Variants in SORBS2 observed in about 807,000 individuals in gnomAD.
SORBS2 encodes the protein sorbin and SH3 domain-containing protein 2.
A neutral mutation model predicts 97.7 loss-of-function variants in SORBS2; 46 were observed. The observed-to-expected ratio is 0.47, with a 90% CI of 0.37 to 0.60. The LOEUF is 0.60. Among genes scored for constraint, SORBS2 ranks in the 20% least tolerant of loss-of-function variants. The pLI is 0.00. For missense variants in SORBS2, 1,316 were observed against 1,282.3 expected (o/e 1.03, Z -0.40); for synonymous variants, 476 against 473.4 (o/e 1.01, Z -0.07).
chr4:185,627,321 C>T (rs562608329), intron 5 of SORBS2, among the ~76,000 whole-genome samples: 3 of 152,168 alleles, frequency 2.0e-5, no homozygotes, highest in Non-Finnish European at 2.9e-5. Flanking sequence ...GGGATACTCC[C>T]GCCTCAACCT....
At chr4:185,782,671 T>C (rs1246887554) in intron 1 of SORBS2, among the ~76,000 whole-genome samples, 1 of 152,224 alleles carries the variant, frequency 6.6e-6, no homozygotes, top group Non-Finnish European at 1.5e-5. Flanking sequence ...CTTGTGGCCA[T>C]ATTATGCATA....
chr4:185,798,915 C>G (rs2099118153), intron 1 of SORBS2, among the ~76,000 whole-genome samples: 1 of 152,088 alleles, frequency 6.6e-6, no homozygotes, highest in African/African-American at 2.4e-5. Flanking sequence ...CATCTGCCCA[C>G]TGGCCTGATC....
At chr4:185,938,389 T>TACACACATACACAC (rs35369073) in intron 1 of SORBS2, among the ~76,000 whole-genome samples, 34 of 136,524 alleles carry the variant, frequency 2.5e-4, no homozygotes, top group African/African-American at 9.1e-4. Context: ...TGTAGACACA[T>TACACACATACACAC]ACACACACAC....
rs531345048 is a variant in SORBS2, at chr4:185,684,502, C to A, written c.-197-5680G>T. ...AAAGTTTTTAGGTTAAAAAAAAAAA[C>A]CCCAAAACCTCTGAGTTATCTTAAT... On this transcript the variant is annotated intron_variant, in intron 2 of 20. Coordinates refer to the SORBS2 transcript ENST00000284776. This position sits in a 1 kb window ranked among gnomAD's most constrained non-coding sequence, Gnocchi z 4.2. Among the ~76,000 whole-genome samples, 18 of 151,194 alleles carry A rather than the reference C, an allele frequency of 1.2e-4. No homozygotes were observed. The highest frequency in any genetic ancestry group is 1.0e-3 in the South Asian group (5 of 4,792).
chr4:185,908,875 A>C (rs1417317365), intron 1 of SORBS2, among the ~76,000 whole-genome samples: 2 of 152,048 alleles, frequency 1.3e-5, no homozygotes, highest in Middle Eastern at 3.4e-3. Context: ...AAATATATGA[A>C]TATATGCATT....
rs553246289 is a variant in SORBS2 at position 185,653,478 on chromosome 4, T to G, written c.25-750A>C. Among the ~76,000 whole-genome samples the G allele has an allele frequency of 1.3e-3, 205 of 152,276 alleles. 1 individual carries two copies. The highest frequency in any genetic ancestry group is 2.3e-3 in the Non-Finnish European group (157 of 68,016). On this transcript the variant is annotated intron_variant, in intron 1 of 14. Transcript: ENST00000418609. ...AAGATTCAAATCTTGGTTCCTTAAA[T>G]TGCTGCTTAATACACCCTAGCAATA...
intron 1 of SORBS2, among the ~76,000 whole-genome samples, chr4:185,942,822 T>C (rs2150004485): frequency 6.6e-6 from 1 of 152,280 alleles, no homozygotes; most frequent in Middle Eastern, 3.4e-3. Context: ...TTATATTAGA[T>C]CTTCCATTAC....
Position 185,798,498 on chromosome 4 carries a change from C to T in SORBS2, c.-337-23132G>A, listed in dbSNP as rs557126374. On this transcript the variant is annotated intron_variant, in intron 1 of 20. Coordinates refer to the SORBS2 transcript ENST00000284776. Reference sequence around the variant, plus strand: ...TCACGTGTGACAAGCAGAAAAAACTCGTGGAGGCAGTTTCAACATTTAACC... The same window carrying T: ...TCACGTGTGACAAGCAGAAAAAACTTGTGGAGGCAGTTTCAACATTTAACC... 5.3e-5 allele frequency among the ~76,000 whole-genome samples: 8 copies of T among 152,146 alleles called. No individual in the cohort carries two copies. The East Asian group carries it at 1.2e-3, about 22-fold the overall frequency.
At chr4:185,588,622 C>CCCTCCTCCT (rs1561253138) in intron 14 of SORBS2, among the ~76,000 whole-genome samples, 2 of 64,910 alleles carry the variant, frequency 3.1e-5, no homozygotes, top group Non-Finnish European at 4.3e-5. Flanking sequence ...TCCTCCTCCT[C>CCCTCCTCCT]CTTGTTTTTG....
intron 1 of SORBS2, among the ~76,000 whole-genome samples, chr4:185,889,360 T>C (rs1001228811): frequency 1.4e-5 from 2 of 141,684 alleles, no homozygotes; most frequent in Non-Finnish European, 3.0e-5. Context: ...CCACAGTCAT[T>C]TTTTTTTTTA....
In SORBS2 at chr4:185,627,030, G is replaced by A; in HGVS notation, c.447-11C>T. 1.2e-6 allele frequency: 2 copies of A among 1,613,574 alleles called. No individual in the cohort carries two copies. Among genetic ancestry groups the A allele is most frequent in the East Asian group, 2.2e-5 (1 of 44,860 alleles). Reference sequence around the variant, plus strand: ...GCCATGCTTGCAGAACTGAAAGAAGGAATCAGATCTGTTTGATTGGCACTG... The same window carrying A: ...GCCATGCTTGCAGAACTGAAAGAAGAAATCAGATCTGTTTGATTGGCACTG... On this transcript the variant is annotated splice_polypyrimidine_tract_variant and intron_variant, in intron 5 of 14. Transcript: ENST00000418609.
At chr4:185,765,720 A>G (rs1440485091) in intron 2 of SORBS2, among the ~76,000 whole-genome samples, 1 of 152,152 alleles carries the variant, frequency 6.6e-6, no homozygotes, top group Admixed American at 6.5e-5. Context: ...AAAATAAAAT[A>G]TATTTTGAAT....
intron 1 of SORBS2, among the ~76,000 whole-genome samples, chr4:185,838,400 A>G (rs1047678527): frequency 2.0e-5 from 3 of 151,668 alleles, no homozygotes; most frequent in Non-Finnish European, 4.4e-5. Flanking sequence ...GAAATTCTCC[A>G]CCCTCCTCAA....
chr4:185,899,584 C>G (rs1328973977), intron 1 of SORBS2, among the ~76,000 whole-genome samples: 1 of 152,142 alleles, frequency 6.6e-6, no homozygotes, highest in Non-Finnish European at 1.5e-5. Flanking sequence ...ATACTCAGCA[C>G]TGAGTTTAAA....
intron 2 of SORBS2, among the ~76,000 whole-genome samples, chr4:185,689,658 G>A (rs546740059): frequency 5.8e-4 from 88 of 152,290 alleles, no homozygotes; most frequent in South Asian, 2.9e-3. Context: ...CTCTGCACTC[G>A]ACCTGGGGAT....
At chr4:185,690,532 A>T in intron 2 of SORBS2, 30 bp downstream of exon 4, 1 of 1,472,342 alleles carries the variant, frequency 6.8e-7, no homozygotes, top group Non-Finnish European at 9.2e-7. Context: ...GAGCAAGGCT[A>T]AAAGAGTTTA....
intron 3 of SORBS2, 94 bp downstream of exon 12, chr4:185,649,373 C>A: frequency 9.7e-7 from 1 of 1,026,258 alleles, no homozygotes; most frequent in Non-Finnish European, 1.4e-6. Flanking sequence ...TCCGCTCTCT[C>A]TGTGGCAGGT....
intron 2 of SORBS2, among the ~76,000 whole-genome samples, chr4:185,736,639 C>A (rs745474258): frequency 2.8e-4 from 43 of 152,220 alleles, no homozygotes; most frequent in Non-Finnish European, 5.3e-4. Context: ...TGACATCCAG[C>A]CCCCTTCAGT....
chr4:185,870,649 C>T (rs1463640742), intron 1 of SORBS2, among the ~76,000 whole-genome samples: 1 of 152,218 alleles, frequency 6.6e-6, no homozygotes, highest in African/African-American at 2.4e-5. Flanking sequence ...TTTGCTCTCT[C>T]AGGCAGCTTC....
Sources: allele counts gnomAD v4.1 joint callset (sites outside exome capture counted in the v4.1 genomes callset), GRCh38; gene constraint gnomAD v4.1.1; non-coding constraint Gnocchi (gnomAD v3.1); transcripts MANE v1.5; gene names NCBI Gene and HGNC (gene_info 2026-07-23, HGNC 2026-07-21).